The following NDUFA10 variants were observed in gnomAD, a reference collection of about 807,000 sequenced individuals.
NDUFA10 encodes the protein NADH dehydrogenase [ubiquinone] 1 alpha subcomplex subunit 10, mitochondrial.
Under a neutral mutation model 47.8 loss-of-function variants are expected in NDUFA10, and 40 were observed. That is an observed-to-expected ratio of 0.84 (90% CI 0.65 to 1.09). The LOEUF (loss-of-function observed/expected upper bound fraction) is 1.09. Among genes scored for constraint, NDUFA10 ranks in the 50% least tolerant of loss-of-function variants. The pLI is 0.00. For synonymous variants in NDUFA10, 183 were observed against 172.2 expected, an observed-to-expected ratio of 1.06 and a Z score of -0.49; for missense variants, 413 against 451.1, an observed-to-expected ratio of 0.92 and a Z score of 0.76.
At chr2:239,915,434 A>T (rs1693846338) in intron 4 of NDUFA10, among the ~76,000 whole-genome samples, 1 of 149,832 alleles carries the variant, frequency 6.7e-6, no homozygotes, top group Non-Finnish European at 1.5e-5. Flanking sequence ...ACAAATATAC[A>T]GACACACACA....
chr2:240,005,063 A>C (rs1301140540), intron 8 of NDUFA10, 147 bp downstream of exon 8: 3 of 726,052 alleles, frequency 4.1e-6, no homozygotes, highest in Non-Finnish European at 7.4e-6. Flanking sequence ...GGGATTCAGG[A>C]GCTGTTTGGA....
Position 240,025,325 on chromosome 2 carries a change from A to T in NDUFA10, c.-24T>A. ...ATGGCTACCCGGTCAGCTCAGGATC[A>T]AGGACCCAAGGGGACGCGGTCGCGA... On this transcript the variant is annotated 5_prime_UTR_variant, in exon 1 of 10. Coordinates refer to ENST00000252711, the MANE Select transcript of NDUFA10 (RefSeq NM_004544.4). The T allele has an allele frequency of 6.7e-7, 1 of 1,487,838 alleles. No homozygotes were observed. Among genetic ancestry groups the T allele is most frequent in the Non-Finnish European group, 8.9e-7 (1 of 1,121,718 alleles). The allele number at this position is 1,487,838 out of a possible 1,614,324, so 92.2% of individuals were successfully genotyped here. A position where few individuals can be genotyped will look rare whatever the true frequency, so the allele number is the denominator to read the frequency against.
intron 4 of NDUFA10, among the ~76,000 whole-genome samples, chr2:239,927,154 C>T (rs921806147): frequency 6.6e-6 from 1 of 151,946 alleles, no homozygotes; most frequent in African/African-American, 2.4e-5. Flanking sequence ...TGATCCTGAC[C>T]GTATGTAGAC....
intron 4 of NDUFA10, among the ~76,000 whole-genome samples, chr2:239,921,363 A>T (rs1015972158): frequency 1.4e-5 from 2 of 147,096 alleles, no homozygotes; most frequent in African/African-American, 5.3e-5. Flanking sequence ...AAGCTTCTAC[A>T]GCGTGGAAAG....
intron 4 of NDUFA10, among the ~76,000 whole-genome samples, chr2:239,937,639 G>A (rs1694286253): frequency 6.6e-6 from 1 of 152,186 alleles, no homozygotes; most frequent in Non-Finnish European, 1.5e-5. Flanking sequence ...TGTGAATAAT[G>A]TGCTCTGAAC....
intron 8 of NDUFA10, among the ~76,000 whole-genome samples, chr2:239,994,882 G>A (rs1470945615): frequency 6.6e-6 from 1 of 152,146 alleles, no homozygotes; most frequent in Non-Finnish European, 1.5e-5. Flanking sequence ...GTGAAGGCTG[G>A]AAGCTGTAAT....
chr2:239,908,831 G>A lies in NDUFA10; in HGVS notation c.295-13517C>T, dbSNP rs377678519. Among the ~76,000 whole-genome samples, 6 of 152,262 alleles carry A rather than the reference G, an allele frequency of 3.9e-5. No homozygotes were observed. In the East Asian group the frequency reaches 7.7e-4, roughly 20 times the overall value. The stretch of plus-strand genomic sequence containing the variant: ...GGGGTTGCACACCACGACAGCCATC[G>A]TGGCACCTGCACCTACCTCCCTGTT... On this transcript the variant is annotated intron_variant, in intron 4 of 5. Transcript: ENST00000419408.
chr2:239,903,669 T>G (rs1693594577), intron 4 of NDUFA10, among the ~76,000 whole-genome samples: 1 of 152,246 alleles, frequency 6.6e-6, no homozygotes, highest in African/African-American at 2.4e-5. Context: ...CAGAAAATCT[T>G]TGCAGTTTGG....
chr2:240,006,215 A>C (rs1178854645), intron 7 of NDUFA10, among the ~76,000 whole-genome samples: 1 of 152,242 alleles, frequency 6.6e-6, no homozygotes, highest in Non-Finnish European at 1.5e-5. Context: ...CATGCCACCT[A>C]AACAGTCTCT....
At chr2:240,010,147 A>C (rs13023821) in intron 6 of NDUFA10, among the ~76,000 whole-genome samples, 2,098 of 152,356 alleles carry the variant, frequency 0.014, 19 homozygotes, top group Middle Eastern at 0.031. Context: ...TCTGGTACTC[A>C]TTCTTCAATG....
chr2:239,914,830 C>CACACACACAAATATACAG (rs1693821073), intron 4 of NDUFA10, among the ~76,000 whole-genome samples: 2 of 148,312 alleles, frequency 1.3e-5, no homozygotes, highest in South Asian at 4.2e-4. Context: ...CACATACATA[C>CACACACACAAATATACAG]ACACACACAA....
chr2:239,929,761 T>C (rs1185632275), intron 4 of NDUFA10, among the ~76,000 whole-genome samples: 1 of 142,986 alleles, frequency 7.0e-6, no homozygotes, highest in African/African-American at 2.6e-5. Flanking sequence ...CTCTTGCTCC[T>C]CCACTGCCCC....
chr2:239,973,483 T>C (rs960200071), intron 9 of NDUFA10: 3 of 470,202 alleles, frequency 6.4e-6, no homozygotes, highest in Non-Finnish European at 1.3e-5. Flanking sequence ...CAACTTGAGA[T>C]AGTAAAAGAA....
At chr2:240,021,451 C>CAAA in intron 2 of NDUFA10, 39 bp from the exon 3 acceptor site, 1 of 1,575,208 alleles carries the variant, frequency 6.3e-7, no homozygotes, top group East Asian at 2.2e-5. Flanking sequence ...TGATGCACAT[C>CAAA]ACTCACTCCC....
chr2:240,014,062 T>A (rs1382442939), intron 5 of NDUFA10: 1 of 150,948 alleles, frequency 6.6e-6, no homozygotes, highest in African/African-American at 2.4e-5. Flanking sequence ...CCAGCCTGGG[T>A]GACAGAGCGA....
intron 9 of NDUFA10, among the ~76,000 whole-genome samples, chr2:239,982,659 T>C (rs1695823639): frequency 6.6e-6 from 1 of 152,238 alleles, no homozygotes; most frequent in African/African-American, 2.4e-5. Context: ...GCTATGCCTG[T>C]TGTCTCCAGC....
At chr2:240,023,488 C>T (rs1353479270) in intron 1 of NDUFA10, among the ~76,000 whole-genome samples, 2 of 152,160 alleles carry the variant, frequency 1.3e-5, no homozygotes, top group Non-Finnish European at 2.9e-5. Context: ...CTAGAGGACG[C>T]TGGGTCTACA....
intron 9 of NDUFA10, among the ~76,000 whole-genome samples, chr2:239,964,982 TTTC>T (rs1353028682): frequency 6.8e-4 from 103 of 152,220 alleles, no homozygotes; most frequent in Admixed American, 1.8e-3. Context: ...CCCCAGGGTT[TTTC>T]AATTAAAGTT....
At chr2:239,961,295 A>C in intron 9 of NDUFA10, 109 bp from the exon 10 acceptor site, 1 of 1,577,158 alleles carries the variant, frequency 6.3e-7, no homozygotes, top group East Asian at 2.4e-5. Flanking sequence ...GAGTTCCTTC[A>C]GCAATGCTGG....
Sources: gnomAD v4.1 joint callset for allele counts (sites outside exome capture counted in the v4.1 genomes callset) on GRCh38, gnomAD v4.1.1 for gene constraint, MANE v1.5 for transcripts, NCBI Gene and HGNC (gene_info 2026-07-23, HGNC 2026-07-21) for gene names.